The following CPD variants were observed in gnomAD, a reference collection of about 807,000 sequenced individuals.
The protein encoded by CPD is metallocarboxypeptidase D.
CPD carries 69 observed loss-of-function variants against 138.3 expected under a neutral mutation model. That is an observed-to-expected ratio of 0.50 (90% CI 0.41 to 0.61). CPD has a LOEUF of 0.61. Ranked by LOEUF, CPD falls within the 20% of genes least tolerant of loss-of-function variation. The probability of loss-of-function intolerance (pLI) is 0.00; values close to 1 mark genes in which losing one functional copy is unlikely to be tolerated. For synonymous variants in CPD, 651 were observed against 642.1 expected (o/e 1.01, Z -0.21); for missense variants, 1,432 against 1,733.3 (o/e 0.83, Z 3.09).
At chr17:30,414,692 A>G (rs904738995) in intron 2 of CPD, among the ~76,000 whole-genome samples, 6 of 152,172 alleles carry the variant, frequency 3.9e-5, no homozygotes, top group Admixed American at 6.5e-5. Flanking sequence ...TTCTGAACAT[A>G]TTTTGAAGTT....
At chr17:30,453,988 G>A (rs1379986610) in intron 14 of CPD, 1 of 152,150 alleles carries the variant, frequency 6.6e-6, no homozygotes, top group African/African-American at 2.4e-5. Context: ...GGGGACCCTG[G>A]GCCCAGCCCA....
chr17:30,379,404 G>A lies in CPD; in HGVS notation c.424G>A (p.Glu142Lys). 1.3e-6 allele frequency: 2 copies of A among 1,552,192 alleles called. No individual in the cohort carries two copies. Among genetic ancestry groups the A allele is most frequent in the Non-Finnish European group, 8.6e-7 (1 of 1,158,510 alleles). ...VKLVGNMHGD[E>K]TVSRQVLIYL... ...GCTGGTGGGCAACATGCATGGCGAC[G>A]AGACCGTGTCGCGCCAGGTGTTGAT... The change falls in exon 1 of 21, where the codon GAG (glutamate) becomes AAG (lysine). Residue 142 changes from glutamate to lysine, a missense_variant. Coordinates refer to ENST00000225719, the MANE Select transcript of CPD (RefSeq NM_001304.5). This position sits in a 1 kb window ranked among gnomAD's most constrained non-coding sequence, Gnocchi z 7.0.
In CPD at chr17:30,379,580, C is replaced by G; in HGVS notation, c.600C>G (p.Gly200=). The G allele has an allele frequency of 6.6e-7, 1 of 1,510,412 alleles. No individual in the cohort carries two copies. The highest frequency in any genetic ancestry group is 1.3e-5 in the South Asian group (1 of 79,994). 93.6% of individuals were successfully genotyped at this position (1,510,412 alleles called of 1,614,324 possible). Residue 200 remains glycine (G), a synonymous_variant, in exon 1 of 21, where the codon GGC becomes GGG. Transcript: ENST00000225719. The surrounding 1 kb of genome is among the most constrained non-coding windows in gnomAD (Gnocchi z 7.0). ...AGGGCGACTGTGGCTTCGGCGACGG[C>G]GGCCCGTCCGGGGCCAGCGGCCGCG... is the stretch of plus-strand genomic sequence containing the variant. ...AREGDCGFGD[G]GPSGASGRDN...
At chr17:30,386,835 A>G (rs1388652213) in intron 2 of CPD, among the ~76,000 whole-genome samples, 1 of 152,208 alleles carries the variant, frequency 6.6e-6, no homozygotes, top group African/African-American at 2.4e-5. Context: ...ATATGTTAGT[A>G]ATACATTTTG....
In CPD at chr17:30,434,123, A is replaced by G. The variant is rs114607755; in HGVS notation, c.2127+2242A>G. Among the ~76,000 whole-genome samples the G allele has an allele frequency of 8.2e-3, 1,255 of 152,308 alleles. 13 individuals are homozygous for G. The highest frequency in any genetic ancestry group is 0.029 in the African/African-American group (1,203 of 41,574). On this transcript the variant is annotated intron_variant, in intron 8 of 20. Transcript: ENST00000225719. ...TCTTCAAAACTTCTCAAAAGTAGAT[A>G]GTCTTGGGAGACATCTGAGCAGCCA... is the stretch of plus-strand genomic sequence containing the variant.
At position 30,469,067 on chromosome 17, in the gene CPD, C is replaced by G. The variant is rs1035133094; in HGVS notation, c.*4253C>G. On this transcript the variant is annotated 3_prime_UTR_variant, in exon 21 of 21. Coordinates refer to ENST00000225719, the MANE Select transcript of CPD (RefSeq NM_001304.5). ...GCCCAGTTAGAATAATGTGTCCCGG[C>G]ACTTTTAGGCACAGCAAGGATGAAT... is the stretch of plus-strand genomic sequence containing the variant. 6.6e-6 allele frequency: 1 copy of G among 152,114 alleles called. No homozygotes were observed. Among genetic ancestry groups the G allele is most frequent in the African/African-American group, 2.4e-5 (1 of 41,440 alleles). 9.4% of individuals were successfully genotyped at this position (152,114 alleles called of 1,614,324 possible).
Position 30,430,421 on chromosome 17 carries a change from G to A in CPD, c.2018-1351G>A, listed in dbSNP as rs140070046. On this transcript the variant is annotated intron_variant, in intron 7 of 20. Transcript: ENST00000225719. ...TTTCGTGTCTGGCTTCTTTCATTTA[G>A]CATAGTGTTTTCAAGGTTCACTCAT... Among the ~76,000 whole-genome samples the A allele has an allele frequency of 7.4e-3, 1,125 of 152,138 alleles. 17 individuals are homozygous for A. Among genetic ancestry groups the A allele is most frequent in the African/African-American group, 0.026 (1,071 of 41,474 alleles).
chr17:30,384,363 A>G (rs751072903), intron 1 of CPD, among the ~76,000 whole-genome samples: 2 of 152,228 alleles, frequency 1.3e-5, no homozygotes, highest in African/African-American at 2.4e-5. Context: ...TTGGACGGTA[A>G]ATGTAAAAAG....
chr17:30,444,062 G>T, intron 11 of CPD, 91 bp downstream of exon 11: 1 of 1,365,362 alleles, frequency 7.3e-7, no homozygotes. Context: ...TAGAGAGCCT[G>T]TTAAGCAACT....
chr17:30,424,343 G>A lies in CPD; in HGVS notation c.1849+646G>A, dbSNP rs571327939. ...ATGTTTCTTATCAGACTTAAGGTCT[G>A]TGTTGGTATTAATGCTGATTGACTT... On this transcript the variant is annotated intron_variant, in intron 6 of 20. Coordinates refer to ENST00000225719, the MANE Select transcript of CPD (RefSeq NM_001304.5). Among the ~76,000 whole-genome samples, 11 of 152,294 alleles carry A rather than the reference G, an allele frequency of 7.2e-5. No homozygotes were observed. The South Asian group carries it at 2.3e-3, about 32-fold the overall frequency.
intron 2 of CPD, among the ~76,000 whole-genome samples, chr17:30,413,920 T>C (rs1261354501): frequency 6.6e-6 from 1 of 152,068 alleles, no homozygotes; most frequent in Non-Finnish European, 1.5e-5. Context: ...AGGGAGTTAG[T>C]CAAGTAGTAA....
intron 2 of CPD, among the ~76,000 whole-genome samples, chr17:30,402,287 T>C (rs1326748739): frequency 1.3e-5 from 2 of 152,234 alleles, no homozygotes; most frequent in Non-Finnish European, 2.9e-5. Context: ...CTTGGAAGGC[T>C]GGGCGTGGTG....
In CPD at chr17:30,379,614, C is replaced by T. The variant is rs1451733449; in HGVS notation, c.634C>T (p.Arg212Cys). Residue 212 changes from arginine (R) to cysteine (C), a missense_variant, in exon 1 of 21, where the codon CGC becomes TGC. Arg to Cys is a radical substitution (Grantham distance 180). This residue lies in a region of CPD where 484 missense variants were observed against 477.2 expected (regional missense o/e 1.01). Transcript: ENST00000225719. The surrounding 1 kb of genome is among the most constrained non-coding windows in gnomAD (Gnocchi z 7.0). ...PSGASGRDNS[R>C]GRDLNRSFPD... ...CGGGGCCAGCGGCCGCGACAATAGTCGCGGCCGCGACCTCAACCGAAGCTT... is the reference window on the plus strand; with the variant it reads ...CGGGGCCAGCGGCCGCGACAATAGTTGCGGCCGCGACCTCAACCGAAGCTT... The T allele has an allele frequency of 6.8e-7, 1 of 1,468,430 alleles. No homozygotes were observed. The highest frequency in any genetic ancestry group is 8.9e-7 in the Non-Finnish European group (1 of 1,123,388). 91.0% of individuals were successfully genotyped at this position (1,468,430 alleles called of 1,614,324 possible). A position where few individuals can be genotyped will look rare whatever the true frequency, so the allele number is the denominator to read the frequency against.
At chr17:30,401,189 T>C (rs575312500) in intron 2 of CPD, among the ~76,000 whole-genome samples, 17 of 152,202 alleles carry the variant, frequency 1.1e-4, no homozygotes, top group African/African-American at 3.9e-4. Context: ...TTCAAGACTA[T>C]TTTATTGCTG....
chr17:30,416,961 G>T (rs932049885), intron 2 of CPD, among the ~76,000 whole-genome samples: 3 of 152,184 alleles, frequency 2.0e-5, no homozygotes, highest in Admixed American at 2.0e-4. Context: ...AATTAGCTGG[G>T]TGTGGTGGCA....
Position 30,461,297 on chromosome 17 carries a change from A to C in CPD, c.3616A>C (p.Ser1206Arg), listed in dbSNP as rs1913467240. Residue 1206 changes from serine to arginine, a missense_variant, in exon 18 of 21, where the codon AGT (serine) becomes CGT (arginine). Ser to Arg is a moderately radical substitution (Grantham distance 110). Around this residue, in one of 6 missense-constraint regions of CPD, gnomAD observed 366 missense variants for 518.8 expected, o/e 0.71. Transcript: ENST00000225719. ...LWADNKRSLL[S>R]MLVEVHKGVH... Reference sequence around the variant, plus strand: ...GGCAGACAATAAGAGATCTCTTCTTAGTATGTTAGTGGAGGTGAGTCTTTT... The same window carrying C: ...GGCAGACAATAAGAGATCTCTTCTTCGTATGTTAGTGGAGGTGAGTCTTTT... 1 of 1,599,988 alleles carries C rather than the reference A, an allele frequency of 6.3e-7. No individual in the cohort carries two copies. The highest frequency in any genetic ancestry group is 1.1e-5 in the South Asian group (1 of 88,236).
At chr17:30,454,508 C>G (rs1305985862) in intron 14 of CPD, 3 of 152,378 alleles carry the variant, frequency 2.0e-5, no homozygotes, top group African/African-American at 7.2e-5. Flanking sequence ...AGCCATTCAA[C>G]AAGTCTCTAG....
At chr17:30,415,723 A>T (rs1276585109) in intron 2 of CPD, among the ~76,000 whole-genome samples, 1 of 152,220 alleles carries the variant, frequency 6.6e-6, no homozygotes, top group African/African-American at 2.4e-5. Context: ...AATTACCAAG[A>T]GGTGGAAGCA....
At chr17:30,438,492 G>A (rs1332155445) in intron 8 of CPD, among the ~76,000 whole-genome samples, 1 of 152,168 alleles carries the variant, frequency 6.6e-6, no homozygotes, top group Non-Finnish European at 1.5e-5. Context: ...GGTGCAACTA[G>A]TTGTAATAGG....
Sources: gnomAD v4.1 joint callset for allele counts (sites outside exome capture counted in the v4.1 genomes callset) on GRCh38, gnomAD v4.1.1 for gene constraint, gnomAD v4.1.1 regional missense constraint, Gnocchi (gnomAD v3.1) non-coding constraint, MANE v1.5 for transcripts, NCBI Gene and HGNC (gene_info 2026-07-23, HGNC 2026-07-21) for gene names.